DCLRE1B: variants seen among roughly 807,000 people sequenced by gnomAD.
DCLRE1B encodes DNA cross-link repair 1B.
Under a neutral mutation model 19.8 loss-of-function variants are expected in DCLRE1B, and 6 were observed. That is an observed-to-expected ratio of 0.30 (90% CI 0.17 to 0.60). The LOEUF (loss-of-function observed/expected upper bound fraction) is 0.60. Ranked by LOEUF, DCLRE1B falls within the 20% of genes least tolerant of loss-of-function variation. The probability of loss-of-function intolerance (pLI) is 0.87; values close to 1 mark genes in which losing one functional copy is unlikely to be tolerated. For missense variants in DCLRE1B, 622 were observed against 654.2 expected (o/e 0.95, Z 0.54); for synonymous variants, 258 against 255.7 (o/e 1.01, Z -0.09).
chr1:113,911,887 C>T lies in DCLRE1B; in HGVS notation c.1295C>T (p.Ser432Leu), dbSNP rs779535294. The T allele has an allele frequency of 6.2e-6, 10 of 1,614,184 alleles. No homozygotes were observed. In the South Asian group the frequency reaches 9.9e-5, roughly 16 times the overall value. ...VTMLTAPLGF[S>L]VHLRSTDEEF... ...ATGTTGACGGCCCCACTGGGATTTT[C>T]AGTGCACTTAAGGTCTACAGATGAG... Residue 432 changes from serine to leucine, a missense_variant, in exon 4 of 4, where the codon TCA becomes TTA. By Grantham distance (145) the Ser-to-Leu change is moderately radical. This residue lies in a region of DCLRE1B where 382 missense variants were observed against 412.5 expected (regional missense o/e 0.93). Coordinates refer to ENST00000650450, the MANE Select transcript of DCLRE1B (RefSeq NM_022836.4).
Position 113,911,527 on chromosome 1 carries a change from C to T in DCLRE1B, c.935C>T (p.Pro312Leu). The change falls in exon 4 of 4, where the codon CCC becomes CTC. Residue 312 changes from proline to leucine, a missense_variant. Pro to Leu is a moderately conservative substitution (Grantham distance 98, BLOSUM62 -3). Coordinates refer to ENST00000650450, the MANE Select transcript of DCLRE1B (RefSeq NM_022836.4). ...GGAGGCTTTCAGGACAGTCTGAGCCCCAGGATCTCCGTGCCCCTGATTCCG... is the reference window on the plus strand; with the variant it reads ...GGAGGCTTTCAGGACAGTCTGAGCCTCAGGATCTCCGTGCCCCTGATTCCG... ...PCGGFQDSLS[P>L]RISVPLIPDS... 6.2e-7 allele frequency: 1 copy of T among 1,613,600 alleles called. No homozygotes were observed. Among genetic ancestry groups the T allele is most frequent in the Non-Finnish European group, 8.5e-7 (1 of 1,179,696 alleles).
At position 113,909,836 on chromosome 1, in the gene DCLRE1B, G is replaced by A. The variant is rs1166236778; in HGVS notation, c.539-1295G>A. ...TCTGGTAGGGAAGGACCTGTGGGGA[G>A]GTGGAAGTGGGAATATATATAGAGA... On this transcript the variant is annotated intron_variant, in intron 3 of 3. Transcript: ENST00000650450. 2.0e-5 allele frequency among the ~76,000 whole-genome samples: 3 copies of A among 152,118 alleles called. No homozygotes were observed. In the East Asian group the frequency reaches 5.8e-4, roughly 29 times the overall value.
rs745524701 is a variant in DCLRE1B at position 113,911,686 on chromosome 1, A to G, written c.1094A>G (p.Gln365Arg). The change falls in exon 4 of 4, where the codon CAA becomes CGA. Residue 365 changes from glutamine to arginine, a missense_variant. This residue lies in a region of DCLRE1B where 382 missense variants were observed against 412.5 expected (regional missense o/e 0.93). Coordinates refer to ENST00000650450, the MANE Select transcript of DCLRE1B (RefSeq NM_022836.4). ...ESPEESADQS[Q>R]ADRDSKKAKK... The stretch of plus-strand genomic sequence containing the variant: ...CCTGAGGAAAGTGCTGATCAATCTC[A>G]AGCTGACAGAGACTCAAAGAAGGCC... 6.2e-7 allele frequency: 1 copy of G among 1,613,244 alleles called. No homozygotes were observed. The highest frequency in any genetic ancestry group is 8.5e-7 in the Non-Finnish European group (1 of 1,179,446).
chr1:113,907,886 A>G (rs1669097873), intron 2 of DCLRE1B, 123 bp from the exon 3 acceptor site: 1 of 1,057,950 alleles, frequency 9.5e-7, no homozygotes, highest in African/African-American at 1.6e-5. Flanking sequence ...GTTCAGTGCC[A>G]GGCTACATAA....
Position 113,911,255 on chromosome 1 carries a change from A to G in DCLRE1B, c.663A>G (p.Thr221=), listed in dbSNP as rs141600221. 2.5e-6 allele frequency: 4 copies of G among 1,613,998 alleles called. No individual in the cohort carries two copies. In the African/African-American group the frequency reaches 5.3e-5, roughly 22 times the overall value. ...TACTGGGCCTGGCAGATGTGTTCAC[A>G]GTGGAGGAGAAGGCTGGCCGCATCC... ...VQLLGLADVF[T]VEEKAGRIHA... is the part of the protein sequence containing the mutation. Residue 221 remains threonine (T), a synonymous_variant, in exon 4 of 4, where the codon ACA becomes ACG. Transcript: ENST00000650450.
Position 113,911,761 on chromosome 1 carries a change from C to G in DCLRE1B, c.1169C>G (p.Ser390Cys), listed in dbSNP as rs1221115996. 6.2e-7 allele frequency: 1 copy of G among 1,614,172 alleles called. No homozygotes were observed. The highest frequency in any genetic ancestry group is 2.2e-5 in the East Asian group (1 of 44,878). ...PWPADLEKQP[S>C]HHPLRIKKQL... ...CCTGCGGACCTTGAAAAGCAGCCTT[C>G]CCACCATCCTTTGCGGATCAAGAAG... Residue 390 changes from serine to cysteine, a missense_variant, in exon 4 of 4, where the codon TCC (serine) becomes TGC (cysteine). Physicochemically the swap from Ser to Cys is moderately radical, Grantham distance 112 (BLOSUM62 -1). This residue lies in a region of DCLRE1B where 382 missense variants were observed against 412.5 expected (regional missense o/e 0.93). Transcript: ENST00000650450.
At position 113,905,465 on chromosome 1, in the gene DCLRE1B, T is replaced by G. The variant is rs1668860714; in HGVS notation, c.-122T>G. The G allele has an allele frequency of 4.0e-6, 4 of 989,210 alleles. No individual in the cohort carries two copies. Among genetic ancestry groups the G allele is most frequent in the Non-Finnish European group, 6.1e-6 (4 of 655,354 alleles). The allele number at this position is 989,210 out of a possible 1,614,324, so 61.3% of individuals were successfully genotyped here. A position where few individuals can be genotyped will look rare whatever the true frequency, so the allele number is the denominator to read the frequency against. On this transcript the variant is annotated 5_prime_UTR_variant, in exon 1 of 4. Coordinates refer to ENST00000650450, the MANE Select transcript of DCLRE1B (RefSeq NM_022836.4). ...TTATTGCTCTGCTGGGCTCTTTCCCTTAGGGTCTCTGGCCCTGTTCTTGCC... is the reference window on the plus strand; with the variant it reads ...TTATTGCTCTGCTGGGCTCTTTCCCGTAGGGTCTCTGGCCCTGTTCTTGCC...
upstream of DCLRE1B, chr1:113,904,831 G>A (rs1668771530): frequency 1.0e-6 from 1 of 958,068 alleles, no homozygotes; most frequent in East Asian, 2.5e-5. Context: ...AAATACAAAA[G>A]GCGAGATCTC....
rs1346734869 is a variant in DCLRE1B at position 113,907,022 on chromosome 1, G to A, written c.216G>A (p.Leu72=). The A allele has an allele frequency of 6.2e-7, 1 of 1,614,002 alleles. No individual in the cohort carries two copies. ...LQVSKQWIQA[L]EVGESHVLPL... ...TATCTAAGCAATGGATCCAAGCCCT[G>A]GAGGTTGGTGAGAGCCATGTATTAC... Residue 72 remains leucine, a synonymous_variant, in exon 2 of 4, where the codon CTG becomes CTA. Transcript: ENST00000650450.
chr1:113,907,924 C>T (rs1054593731), intron 2 of DCLRE1B, 85 bp from the exon 3 acceptor site: 309 of 1,447,794 alleles, frequency 2.1e-4, no homozygotes, highest in Middle Eastern at 3.6e-4. Flanking sequence ...AGTAAGCAAA[C>T]GCCTGTCTAT....
Position 113,914,077 on chromosome 1 carries a change from C to T in DCLRE1B, c.*1886C>T, listed in dbSNP as rs1275995127. ...AATTACATATATTACAATGAACAAC[C>T]TTATGCATATATTTTGCATTTTTAT... is the stretch of plus-strand genomic sequence containing the variant. On this transcript the variant is annotated 3_prime_UTR_variant, in exon 4 of 4. Coordinates refer to ENST00000650450, the MANE Select transcript of DCLRE1B (RefSeq NM_022836.4). The T allele has an allele frequency of 6.6e-6, 1 of 152,058 alleles. No individual in the cohort carries two copies. The highest frequency in any genetic ancestry group is 1.5e-5 in the Non-Finnish European group (1 of 68,028). 9.4% of individuals were successfully genotyped at this position (152,058 alleles called of 1,614,324 possible). A position where few individuals can be genotyped will look rare whatever the true frequency, so the allele number is the denominator to read the frequency against.
In DCLRE1B at chr1:113,907,997, A is replaced by T. The variant is rs764239122; in HGVS notation, c.356-12A>T. 2 of 1,611,222 alleles carry T rather than the reference A, an allele frequency of 1.2e-6. No homozygotes were observed. Among genetic ancestry groups the T allele is most frequent in the South Asian group, 2.2e-5 (2 of 90,638 alleles). On this transcript the variant is annotated splice_polypyrimidine_tract_variant and intron_variant, in intron 2 of 3. Coordinates refer to ENST00000650450, the MANE Select transcript of DCLRE1B (RefSeq NM_022836.4). The stretch of plus-strand genomic sequence containing the variant: ...TCTCTGACCTTCTGCCCCCATGTAC[A>T]TATTCCTCCAGGTGATTTTCGATAC...
chr1:113,911,769 C>T lies in DCLRE1B; in HGVS notation c.1177C>T (p.Pro393Ser), dbSNP rs539008433. The change falls in exon 4 of 4, where the codon CCT becomes TCT. Residue 393 changes from proline (P) to serine (S), a missense_variant. By Grantham distance (74) the Pro-to-Ser change is moderately conservative. Coordinates refer to ENST00000650450, the MANE Select transcript of DCLRE1B (RefSeq NM_022836.4). Reference protein sequence around the residue: ...ADLEKQPSHHPLRIKKQLFPD... With the variant: ...ADLEKQPSHHSLRIKKQLFPD... ...CCTTGAAAAGCAGCCTTCCCACCAT[C>T]CTTTGCGGATCAAGAAGCAGTTGTT... 2.2e-5 allele frequency: 36 copies of T among 1,614,192 alleles called. No homozygotes were observed. The South Asian group carries it at 3.7e-4, about 17-fold the overall frequency.
rs1324611191 is a variant in DCLRE1B at position 113,912,577 on chromosome 1, C to T, written c.*386C>T. 1 of 163,116 alleles carries T rather than the reference C, an allele frequency of 6.1e-6. No homozygotes were observed. The highest frequency in any genetic ancestry group is 1.7e-4 in the East Asian group (1 of 5,726). 10.1% of individuals were successfully genotyped at this position (163,116 alleles called of 1,614,324 possible). On this transcript the variant is annotated 3_prime_UTR_variant, in exon 4 of 4. Transcript: ENST00000650450. ...GGTAAAGAGTCTGAATCAAAAAGGA[C>T]CAGGTTATTGCTGTTGCTGTTTTGT...
intron 3 of DCLRE1B, among the ~76,000 whole-genome samples, chr1:113,910,857 A>G (rs939602490): frequency 8.5e-5 from 13 of 152,122 alleles, no homozygotes; most frequent in Non-Finnish European, 1.9e-4. Flanking sequence ...TGTAGATAGT[A>G]CTTCTTGAGG....
intron 3 of DCLRE1B, among the ~76,000 whole-genome samples, chr1:113,909,183 C>T (rs1669158915): frequency 6.6e-6 from 1 of 152,128 alleles, no homozygotes; most frequent in Admixed American, 6.5e-5. Flanking sequence ...GACACAGAAG[C>T]ATTCAATATG....
rs1325979411 is a variant in DCLRE1B at position 113,908,241 on chromosome 1, T to C, written c.538+50T>C. 10 of 1,572,294 alleles carry C rather than the reference T, an allele frequency of 6.4e-6. No homozygotes were observed. The East Asian group carries it at 2.2e-4, about 35-fold the overall frequency. Reference sequence around the variant, plus strand: ...TGTCACCTGTAGATAGTGAACTAGATTCTTTAAGGATTCTCACATCTTTCA... The same window carrying C: ...TGTCACCTGTAGATAGTGAACTAGACTCTTTAAGGATTCTCACATCTTTCA... On this transcript the variant is annotated intron_variant, in intron 3 of 3. Coordinates refer to ENST00000650450, the MANE Select transcript of DCLRE1B (RefSeq NM_022836.4).
chr1:113,905,878 T>C, intron 1 of DCLRE1B, 103 bp downstream of exon 1: 7 of 1,364,600 alleles, frequency 5.1e-6, no homozygotes, highest in South Asian at 4.5e-5. Flanking sequence ...GAAAACTGAT[T>C]TGGAAGTTGT....
At chr1:113,906,191 A>C (rs564135737) in intron 1 of DCLRE1B, among the ~76,000 whole-genome samples, 22 of 148,590 alleles carry the variant, frequency 1.5e-4, no homozygotes, top group Non-Finnish European at 2.2e-4. Context: ...TGAGTAGCTG[A>C]GATTACAGGC....
Sources: allele counts gnomAD v4.1 joint callset (sites outside exome capture counted in the v4.1 genomes callset), GRCh38; gene constraint gnomAD v4.1.1; regional missense constraint gnomAD v4.1.1; transcripts MANE v1.5; gene names NCBI Gene and HGNC (gene_info 2026-07-23, HGNC 2026-07-21).